PPP1R13B: variants seen among roughly 807,000 people sequenced by gnomAD.
The protein encoded by PPP1R13B is protein phosphatase 1 regulatory subunit 13B.
In PPP1R13B, 44 loss-of-function variants were observed where a neutral mutation model predicts 119.8. That is an observed-to-expected ratio of 0.37 (90% CI 0.29 to 0.47). The LOEUF (loss-of-function observed/expected upper bound fraction) is 0.47, where lower values mean the gene tolerates loss of function less well. Among genes scored for constraint, PPP1R13B ranks in the 20% least tolerant of loss-of-function variants. The pLI, the probability that PPP1R13B is intolerant of heterozygous loss-of-function variation, is 0.99. For synonymous variants in PPP1R13B, 542 were observed against 561.5 expected (o/e 0.97, Z 0.49); for missense variants, 1,227 against 1,413.5 (o/e 0.87, Z 2.12).
rs1470817703 is a variant in PPP1R13B, at chr14:103,742,979, G to A, written c.1151-156C>T. 1 of 786,064 alleles carries A rather than the reference G, an allele frequency of 1.3e-6. No individual in the cohort carries two copies. Among genetic ancestry groups the A allele is most frequent in the Non-Finnish European group, 2.0e-6 (1 of 494,350 alleles). The allele number at this position is 786,064 out of a possible 1,614,324, so 48.7% of individuals were successfully genotyped here. ...TCAACCACCAGCCACATGCACAACTGCTGATCTCCTCCAGCACCCACAGAC... is the reference window on the plus strand; with the variant it reads ...TCAACCACCAGCCACATGCACAACTACTGATCTCCTCCAGCACCCACAGAC... On this transcript the variant is annotated intron_variant, in intron 9 of 16. Transcript: ENST00000202556. The surrounding 1 kb of genome is among the most constrained non-coding windows in gnomAD (Gnocchi z 4.9).
chr14:103,739,446 G>A (rs1427976335), intron 12 of PPP1R13B, among the ~76,000 whole-genome samples: 2 of 152,148 alleles, frequency 1.3e-5, no homozygotes, highest in South Asian at 4.1e-4. Flanking sequence ...CTGAGATGGC[G>A]CCTGGCTCCC....
chr14:103,848,119 G>T (rs1324327168), upstream of PPP1R13B, among the ~76,000 whole-genome samples: 2 of 152,098 alleles, frequency 1.3e-5, no homozygotes, highest in African/African-American at 2.4e-5. Flanking sequence ...ACCAGCCCCG[G>T]CCCGACGCCC....
intron 1 of PPP1R13B, 26 bp downstream of exon 1, chr14:103,847,273 G>A (rs777151067): frequency 1.7e-6 from 2 of 1,197,660 alleles, no homozygotes; most frequent in Non-Finnish European, 2.1e-6. Flanking sequence ...GGAAGCCGCC[G>A]CCACCTCCCG....
chr14:103,847,635 C>G (rs1595859026), upstream of PPP1R13B: 1 of 984,948 alleles, frequency 1.0e-6, no homozygotes, highest in East Asian at 1.1e-4. Context: ...AGCGCGACGC[C>G]CCGCACGGGT....
chr14:103,735,951 C>T, intron 16 of PPP1R13B, 52 bp downstream of exon 16: 1 of 1,593,328 alleles, frequency 6.3e-7, no homozygotes, highest in Non-Finnish European at 8.6e-7. Flanking sequence ...GGACCGCATG[C>T]TGTACAGAGA....
At chr14:103,736,607 G>A in intron 15 of PPP1R13B, 1 of 176,098 alleles carries the variant, frequency 5.7e-6, no homozygotes, top group African/African-American at 2.3e-5. Flanking sequence ...GCAGCTACTT[G>A]TGGGTTCCCA....
chr14:103,845,811 C>G (rs538018123), intron 1 of PPP1R13B, among the ~76,000 whole-genome samples: 2 of 152,272 alleles, frequency 1.3e-5, no homozygotes, highest in East Asian at 3.9e-4. Flanking sequence ...TCATCAAAAT[C>G]TAGCTAGTGA....
chr14:103,842,927 A>G (rs2086942586), intron 1 of PPP1R13B, among the ~76,000 whole-genome samples: 1 of 152,056 alleles, frequency 6.6e-6, no homozygotes, highest in South Asian at 2.1e-4. Context: ...CAGTGAGCCA[A>G]GATCGCGCCA....
At chr14:103,735,484 G>A (rs983684353) in intron 16 of PPP1R13B, among the ~76,000 whole-genome samples, 1 of 152,212 alleles carries the variant, frequency 6.6e-6, no homozygotes, top group Non-Finnish European at 1.5e-5. Flanking sequence ...AAGGGTCTCT[G>A]CCTGGCTCCC....
intron 5 of PPP1R13B, among the ~76,000 whole-genome samples, 187 bp downstream of exon 5, chr14:103,757,463 C>T (rs2084705216): frequency 6.6e-6 from 1 of 152,156 alleles, no homozygotes; most frequent in Admixed American, 6.6e-5. Context: ...TTCCCAACTT[C>T]CAGAAACTAC....
intron 1 of PPP1R13B, among the ~76,000 whole-genome samples, chr14:103,820,323 C>T (rs867261529): frequency 5.9e-5 from 9 of 152,262 alleles, no homozygotes; most frequent in East Asian, 3.9e-4. Flanking sequence ...GGGCCAAATT[C>T]GCAGATCACC....
At position 103,734,902 on chromosome 14, in the gene PPP1R13B, T is replaced by G; in HGVS notation, c.*252A>C. The G allele has an allele frequency of 1.6e-6, 1 of 618,994 alleles. No individual in the cohort carries two copies. The allele number at this position is 618,994 out of a possible 1,614,324, so 38.3% of individuals were successfully genotyped here. A position where few individuals can be genotyped will look rare whatever the true frequency, so the allele number is the denominator to read the frequency against. ...GCAAGAGGGGTGGGTGTTTTGAAAG[T>G]GGGTATTTATTTGGATTTATAGTAA... On this transcript the variant is annotated 3_prime_UTR_variant, in exon 17 of 17. Coordinates refer to ENST00000202556, the MANE Select transcript of PPP1R13B (RefSeq NM_015316.3).
chr14:103,735,260 CG>C (rs2084070728), intron 16 of PPP1R13B, 65 bp from the exon 17 acceptor site: 22 of 1,547,288 alleles, frequency 1.4e-5, no homozygotes, highest in Non-Finnish European at 2.0e-5. Flanking sequence ...CAGCCAGACC[CG>C]ACCCCTGCTC....
chr14:103,747,200 A>G (rs1339576751), intron 8 of PPP1R13B: 1 of 152,274 alleles, frequency 6.6e-6, no homozygotes, highest in East Asian at 1.9e-4. Flanking sequence ...TGACGTCCTC[A>G]AGATTTCAAT....
intron 4 of PPP1R13B, among the ~76,000 whole-genome samples, chr14:103,767,627 C>G (rs925716358): frequency 1.3e-5 from 2 of 152,134 alleles, no homozygotes; most frequent in Non-Finnish European, 2.9e-5. Context: ...AATCTGAGCT[C>G]TTAGCATGGT....
intron 1 of PPP1R13B, among the ~76,000 whole-genome samples, chr14:103,837,902 T>C (rs1265145924): frequency 5.9e-5 from 9 of 152,124 alleles, no homozygotes; most frequent in Non-Finnish European, 1.5e-5. Context: ...ACAGATCACC[T>C]GAGGTCAGGA....
intron 1 of PPP1R13B, among the ~76,000 whole-genome samples, chr14:103,814,032 GAA>G (rs1396594092): frequency 2.0e-5 from 3 of 152,112 alleles, no homozygotes; most frequent in Non-Finnish European, 4.4e-5. Context: ...TACAGATTAG[GAA>G]AAAGAGGGTC....
intron 5 of PPP1R13B, among the ~76,000 whole-genome samples, chr14:103,757,179 C>A (rs1447466484): frequency 2.0e-5 from 3 of 152,112 alleles, no homozygotes; most frequent in African/African-American, 7.2e-5. Context: ...CCTGCCTTAA[C>A]CTCCCATGTA....
intron 1 of PPP1R13B, among the ~76,000 whole-genome samples, chr14:103,823,359 AC>A (rs1015064418): frequency 1.3e-5 from 2 of 151,794 alleles, no homozygotes; most frequent in East Asian, 1.9e-4. Context: ...AAAAAAAAAA[AC>A]AACAGGGACA....
Sources: gnomAD v4.1 joint callset for allele counts (sites outside exome capture counted in the v4.1 genomes callset) on GRCh38, gnomAD v4.1.1 for gene constraint, Gnocchi (gnomAD v3.1) non-coding constraint, MANE v1.5 for transcripts, NCBI Gene and HGNC (gene_info 2026-07-23, HGNC 2026-07-21) for gene names.